The following LIN7A variants were observed in gnomAD, a reference collection of about 807,000 sequenced individuals.
LIN7A encodes the protein protein lin-7 homolog A.
A neutral mutation model predicts 29.8 loss-of-function variants in LIN7A; 25 were observed. That is an observed-to-expected ratio of 0.84 (90% CI 0.61 to 1.17). The LOEUF is 1.17. Ranked by LOEUF, LIN7A falls within the 50% of genes most tolerant of loss-of-function variation. The pLI is 0.00. For missense variants in LIN7A, 239 were observed against 287.0 expected (o/e 0.83, Z 1.21); for synonymous variants, 118 against 107.5 (o/e 1.10, Z -0.60).
chr12:80,880,399 A>G (rs991444723), intron 2 of LIN7A, among the ~76,000 whole-genome samples: 4 of 152,238 alleles, frequency 2.6e-5, no homozygotes, highest in African/African-American at 9.6e-5. Context: ...CAAGTGCATT[A>G]ACACTTATTC....
At position 80,937,660 on chromosome 12, in the gene LIN7A, C is replaced by A; in HGVS notation, c.63G>T (p.Gln21His). Reference sequence around the variant, plus strand: ...CCTTACCTCTGTCCAGGGTGAGCGGCTGGACCACTGTCAATGTCGCCATGT... The same window carrying A: ...CCTTACCTCTGTCCAGGGTGAGCGGATGGACCACTGTCAATGTCGCCATGT... Reference protein sequence around the residue: ...TADMATLTVVQPLTLDRDVAR... With the variant: ...TADMATLTVVHPLTLDRDVAR... Residue 21 changes from glutamine (Q) to histidine (H), a missense_variant, in exon 1 of 6, where the codon CAG (glutamine) becomes CAT (histidine). Physicochemically the swap from Gln to His is conservative, Grantham distance 24. Coordinates refer to ENST00000552864, the MANE Select transcript of LIN7A (RefSeq NM_004664.4). 1 of 1,568,540 alleles carries A rather than the reference C, an allele frequency of 6.4e-7. No individual in the cohort carries two copies. Among genetic ancestry groups the A allele is most frequent in the Non-Finnish European group, 8.7e-7 (1 of 1,154,120 alleles).
chr12:80,935,892 C>T (rs1428854410), intron 1 of LIN7A: 1 of 396,156 alleles, frequency 2.5e-6, no homozygotes, highest in South Asian at 1.9e-5. Flanking sequence ...CCGACTGAGG[C>T]ATCTAAGGGC....
At chr12:80,884,021 C>CA (rs911536948) in intron 2 of LIN7A, among the ~76,000 whole-genome samples, 2 of 151,722 alleles carry the variant, frequency 1.3e-5, no homozygotes, top group Non-Finnish European at 2.9e-5. Flanking sequence ...GTTCATAAGA[C>CA]AAAAAAATCT....
At chr12:80,873,753 TG>T (rs1235385766) in intron 2 of LIN7A, among the ~76,000 whole-genome samples, 1 of 152,008 alleles carries the variant, frequency 6.6e-6, no homozygotes, top group African/African-American at 2.4e-5. Flanking sequence ...CGTATGTTAC[TG>T]GGGGGTCTCT....
At chr12:80,865,280 T>C (rs1565906813) in intron 2 of LIN7A, among the ~76,000 whole-genome samples, 2 of 152,216 alleles carry the variant, frequency 1.3e-5, no homozygotes, top group Non-Finnish European at 2.9e-5. Flanking sequence ...TACACTGATA[T>C]GACCTATGAA....
At chr12:80,862,278 A>T (rs1873917982) in intron 2 of LIN7A, among the ~76,000 whole-genome samples, 1 of 152,198 alleles carries the variant, frequency 6.6e-6, no homozygotes, top group Non-Finnish European at 1.5e-5. Flanking sequence ...CTTTTATGTG[A>T]TACAACTGTA....
intron 4 of LIN7A, among the ~76,000 whole-genome samples, chr12:80,842,854 TA>T (rs1251402824): frequency 1.3e-5 from 2 of 152,146 alleles, no homozygotes; most frequent in African/African-American, 4.8e-5. Context: ...AACTTACTTT[TA>T]AACAGTTTAA....
intron 1 of LIN7A, among the ~76,000 whole-genome samples, chr12:80,906,384 AGAG>A (rs1011271710): frequency 6.6e-6 from 1 of 152,166 alleles, no homozygotes; most frequent in African/African-American, 2.4e-5. Flanking sequence ...TAGAGAAGTG[AGAG>A]AAGATAGAGT....
intron 4 of LIN7A, among the ~76,000 whole-genome samples, chr12:80,841,408 G>GAAGGA (rs555050447): frequency 2.0e-5 from 3 of 149,144 alleles, no homozygotes; most frequent in African/African-American, 7.5e-5. Flanking sequence ...AGGAAGGAAG[G>GAAGGA]AGGGAAAGAA....
At chr12:80,807,069 T>TTTTGTTTTTTTTTTG (rs1178247692) in intron 5 of LIN7A, among the ~76,000 whole-genome samples, 9 of 63,832 alleles carry the variant, frequency 1.4e-4, no homozygotes, top group Non-Finnish European at 2.9e-4. Flanking sequence ...TGGAGTTTTT[T>TTTTGTTTTTTTTTTG]TTTTTTTTTT....
intron 4 of LIN7A, among the ~76,000 whole-genome samples, chr12:80,817,102 A>T (rs543061093): frequency 6.6e-6 from 1 of 152,302 alleles, no homozygotes; most frequent in Admixed American, 6.5e-5. Flanking sequence ...CATTCTGTTC[A>T]TTCAATAGTT....
chr12:80,844,241 C>A (rs1872955750), intron 4 of LIN7A, among the ~76,000 whole-genome samples: 2 of 151,784 alleles, frequency 1.3e-5, no homozygotes, highest in Non-Finnish European at 2.9e-5. Flanking sequence ...ATCTAAAGGT[C>A]AATAAAAAGC....
intron 4 of LIN7A, among the ~76,000 whole-genome samples, chr12:80,837,824 TATC>T (rs965355517): frequency 4.6e-5 from 7 of 150,848 alleles, no homozygotes; most frequent in African/African-American, 9.8e-5. Context: ...TGTATGTATT[TATC>T]ATCATCATCA....
At chr12:80,911,936 T>G (rs193288703) in intron 1 of LIN7A, among the ~76,000 whole-genome samples, 107 of 152,338 alleles carry the variant, frequency 7.0e-4, no homozygotes, top group African/African-American at 2.5e-3. Flanking sequence ...TCTTTAATAA[T>G]ACATACGTTG....
intron 4 of LIN7A, 93 bp from the exon 5 acceptor site, chr12:80,811,776 A>G (rs1363482149): frequency 1.0e-5 from 15 of 1,434,246 alleles, no homozygotes; most frequent in Non-Finnish European, 1.4e-5. Flanking sequence ...AAGAACCCAA[A>G]ATTTAAAATT....
At chr12:80,813,088 G>A (rs1302737088) in intron 4 of LIN7A, among the ~76,000 whole-genome samples, 2 of 151,624 alleles carry the variant, frequency 1.3e-5, no homozygotes, top group Admixed American at 6.6e-5. Context: ...TTGGCTCACT[G>A]CAAGCTCCGC....
intron 1 of LIN7A, among the ~76,000 whole-genome samples, chr12:80,930,628 G>A (rs1028563258): frequency 1.1e-4 from 16 of 152,130 alleles, no homozygotes; most frequent in African/African-American, 4.8e-5. Context: ...TAGCTCGTGC[G>A]ATTCAATTCA....
intron 2 of LIN7A, among the ~76,000 whole-genome samples, chr12:80,875,891 ACTGTT>A (rs546668527): frequency 1.8e-4 from 27 of 152,302 alleles, no homozygotes; most frequent in Admixed American, 1.1e-3. Flanking sequence ...TAGATTTGAA[ACTGTT>A]CTGTTTTGAG....
intron 4 of LIN7A, among the ~76,000 whole-genome samples, chr12:80,825,213 G>A (rs1026512026): frequency 3.3e-5 from 5 of 152,196 alleles, no homozygotes; most frequent in Non-Finnish European, 7.3e-5. Flanking sequence ...GGGAAAGGAA[G>A]GAGAGATCTG....
Sources: gnomAD v4.1 joint callset for allele counts (sites outside exome capture counted in the v4.1 genomes callset) on GRCh38, gnomAD v4.1.1 for gene constraint, MANE v1.5 for transcripts, NCBI Gene and HGNC (gene_info 2026-07-23, HGNC 2026-07-21) for gene names.